The following PIP5K1B variants were observed in gnomAD, a reference collection of about 807,000 sequenced individuals.
PIP5K1B encodes the protein phosphatidylinositol-4-phosphate 5-kinase type 1 beta, also known as phosphatidylinositol 4-phosphate 5-kinase type-1 beta.
In PIP5K1B, 42 loss-of-function variants were observed where a neutral mutation model predicts 67.0. The observed-to-expected ratio is 0.63, with a 90% CI of 0.49 to 0.81. The LOEUF (loss-of-function observed/expected upper bound fraction) is 0.81. Among genes scored for constraint, PIP5K1B ranks in the 30% least tolerant of loss-of-function variants. PIP5K1B has a pLI of 0.00. For synonymous variants in PIP5K1B, 214 were observed against 231.4 expected (o/e 0.92, Z 0.68); for missense variants, 459 against 646.3 (o/e 0.71, Z 3.14).
At chr9:68,709,228 G>A (rs1488027015) in intron 1 of PIP5K1B, among the ~76,000 whole-genome samples, 3 of 151,970 alleles carry the variant, frequency 2.0e-5, no homozygotes, top group Non-Finnish European at 4.4e-5. Context: ...AAAATAACAT[G>A]TTTTTTTCTC....
chr9:68,772,356 A>G lies in PIP5K1B; in HGVS notation c.-86+29699A>G, dbSNP rs1376794176. On this transcript the variant is annotated intron_variant, in intron 2 of 15. Coordinates refer to ENST00000265382, the MANE Select transcript of PIP5K1B (RefSeq NM_003558.4). ...ACCTGTTTGTCAGGCACAGCCAAAC[A>G]TGTGTCCTCCTGCAGTTTATTGTAT... Among the ~76,000 whole-genome samples the G allele has an allele frequency of 1.1e-4, 16 of 152,322 alleles. No homozygotes were observed. In the East Asian group the frequency reaches 2.5e-3, roughly 24 times the overall value.
chr9:68,892,999 G>A (rs545196203), intron 7 of PIP5K1B, among the ~76,000 whole-genome samples: 98 of 152,158 alleles, frequency 6.4e-4, no homozygotes, highest in African/African-American at 2.2e-3. Context: ...CTTGAACCTG[G>A]GAGGCGGAGG....
intron 12 of PIP5K1B, among the ~76,000 whole-genome samples, chr9:68,932,443 C>A (rs1827050341): frequency 6.6e-6 from 1 of 151,450 alleles, no homozygotes; most frequent in Non-Finnish European, 1.5e-5. Flanking sequence ...TACCAGTTAA[C>A]AAAAAAAATT....
At chr9:68,790,583 C>T (rs566839826) in intron 2 of PIP5K1B, among the ~76,000 whole-genome samples, 4 of 145,750 alleles carry the variant, frequency 2.7e-5, no homozygotes, top group East Asian at 2.0e-4. Context: ...TACACCCAAA[C>T]GCACATGAGC....
chr9:68,771,135 A>G (rs893064037), intron 2 of PIP5K1B, among the ~76,000 whole-genome samples: 5 of 152,192 alleles, frequency 3.3e-5, no homozygotes, highest in African/African-American at 9.7e-5. Flanking sequence ...TGAAGAAATC[A>G]TTGGCTCCTT....
intron 8 of PIP5K1B, among the ~76,000 whole-genome samples, chr9:68,900,245 T>G (rs1449612069): frequency 2.0e-5 from 3 of 152,218 alleles, no homozygotes; most frequent in Non-Finnish European, 4.4e-5. Flanking sequence ...ACCCCTGTCT[T>G]CTTTAGGTGT....
chr9:68,934,927 A>T lies in PIP5K1B; in HGVS notation c.1239A>T (p.Ser413=), dbSNP rs767822634. 1 of 1,612,822 alleles carries T rather than the reference A, an allele frequency of 6.2e-7. No homozygotes were observed. Among genetic ancestry groups the T allele is most frequent in the South Asian group, 1.1e-5 (1 of 90,912 alleles). ...KASPSKKRCN[S]IAALKATSQE... ...CACCGTCTAAGAAACGGTGCAATTC[A>T]ATCGCCGCCCTAAAGGCCACTTCAC... Residue 413 remains serine, a synonymous_variant, in exon 13 of 16, where the codon TCA becomes TCT. Coordinates refer to ENST00000265382, the MANE Select transcript of PIP5K1B (RefSeq NM_003558.4).
intron 2 of PIP5K1B, among the ~76,000 whole-genome samples, chr9:68,779,864 A>G (rs1036850324): frequency 5.9e-5 from 9 of 152,280 alleles, no homozygotes; most frequent in African/African-American, 9.6e-5. Flanking sequence ...GAATATGACA[A>G]TCTTATTGAC....
chr9:68,783,408 A>G (rs1453058551), intron 2 of PIP5K1B: 1 of 166,990 alleles, frequency 6.0e-6, no homozygotes, highest in East Asian at 1.9e-4. Flanking sequence ...TTTAAGTATG[A>G]AGGCAATGTA....
chr9:68,719,878 A>G (rs1407865130), intron 1 of PIP5K1B, among the ~76,000 whole-genome samples: 2 of 152,232 alleles, frequency 1.3e-5, no homozygotes, highest in African/African-American at 4.8e-5. Flanking sequence ...TTTTCCACAT[A>G]TGTCAAAAGA....
chr9:68,836,626 TACAC>T (rs137946479), intron 4 of PIP5K1B, among the ~76,000 whole-genome samples: 6 of 151,348 alleles, frequency 4.0e-5, no homozygotes, highest in African/African-American at 1.5e-4. Context: ...CACATACATC[TACAC>T]ACACACACAC....
intron 4 of PIP5K1B, among the ~76,000 whole-genome samples, chr9:68,855,478 T>A (rs1383076490): frequency 1.3e-5 from 2 of 152,226 alleles, no homozygotes; most frequent in Non-Finnish European, 2.9e-5. Flanking sequence ...CTCATTAGCA[T>A]CTCAAATGGA....
chr9:68,738,043 A>G lies in PIP5K1B; in HGVS notation c.-242-4458A>G, dbSNP rs185709973. On this transcript the variant is annotated intron_variant, in intron 1 of 15. Transcript: ENST00000265382. ...TTCATATGCCATAACATAGGTAATG[A>G]CTGAGTGTTCGTCAGCCTAGAAAGA... 6.3e-4 allele frequency among the ~76,000 whole-genome samples: 96 copies of G among 152,344 alleles called. No homozygotes were observed. The South Asian group carries it at 0.012, about 19-fold the overall frequency.
At chr9:68,780,162 G>A (rs902681880) in intron 2 of PIP5K1B, 1 of 1,509,962 alleles carries the variant, frequency 6.6e-7, no homozygotes, top group Non-Finnish European at 8.8e-7. Context: ...CCCTGCCCCC[G>A]ACATGGCTCA....
chr9:68,860,727 T>C (rs1823022764), intron 4 of PIP5K1B, among the ~76,000 whole-genome samples: 2 of 152,158 alleles, frequency 1.3e-5, no homozygotes. Flanking sequence ...TCCACCTCTG[T>C]AAAATGGGAA....
chr9:68,749,329 A>G (rs1338249123), intron 2 of PIP5K1B, among the ~76,000 whole-genome samples: 1 of 152,084 alleles, frequency 6.6e-6, no homozygotes, highest in Non-Finnish European at 1.5e-5. Context: ...TGATGTGGCT[A>G]CCAGTCAAGG....
At chr9:68,996,018 T>G (rs934800980) in intron 15 of PIP5K1B, among the ~76,000 whole-genome samples, 1 of 152,228 alleles carries the variant, frequency 6.6e-6, no homozygotes, top group African/African-American at 2.4e-5. Flanking sequence ...TTGTAATGCT[T>G]CTTCTCCTTT....
chr9:68,832,507 G>A (rs1465936685), intron 4 of PIP5K1B, among the ~76,000 whole-genome samples: 1 of 152,212 alleles, frequency 6.6e-6, no homozygotes, highest in African/African-American at 2.4e-5. Flanking sequence ...TCCTGTGTCA[G>A]CTGCTTTTAT....
chr9:69,004,677 C>T (rs562773621), intron 15 of PIP5K1B, among the ~76,000 whole-genome samples: 1 of 152,222 alleles, frequency 6.6e-6, no homozygotes, highest in East Asian at 1.9e-4. Context: ...GGGACTTCTG[C>T]GTGTACCACA....
Sources: gnomAD v4.1 joint callset for allele counts (sites outside exome capture counted in the v4.1 genomes callset) on GRCh38, gnomAD v4.1.1 for gene constraint, MANE v1.5 for transcripts, NCBI Gene and HGNC (gene_info 2026-07-23, HGNC 2026-07-21) for gene names.